Variants in CEP89 observed in about 807,000 individuals in gnomAD.
The protein encoded by CEP89 is centrosomal protein of 89 kDa.
Under a neutral mutation model 97.6 loss-of-function variants are expected in CEP89, and 95 were observed. The observed-to-expected ratio is 0.97, with a 90% CI of 0.82 to 1.15. CEP89 has a LOEUF of 1.15. Among genes scored for constraint, CEP89 ranks in the 50% most tolerant of loss-of-function variants. CEP89 has a pLI of 0.00. For synonymous variants in CEP89, 354 were observed against 349.1 expected, an observed-to-expected ratio of 1.01 and a Z score of -0.16; for missense variants, 869 against 947.7, an observed-to-expected ratio of 0.92 and a Z score of 1.09.
intron 18 of CEP89, among the ~76,000 whole-genome samples, chr19:32,880,390 C>T (rs1969256834): frequency 1.3e-5 from 2 of 152,162 alleles, no homozygotes; most frequent in Admixed American, 6.5e-5. Flanking sequence ...GCCCCTGATG[C>T]CCACTGTGTG....
At chr19:32,954,506 C>T (rs1290433537) in intron 3 of CEP89, among the ~76,000 whole-genome samples, 1 of 151,334 alleles carries the variant, frequency 6.6e-6, no homozygotes, top group Non-Finnish European at 1.5e-5. Context: ...CTGGGACTAA[C>T]CAAGCCCAGC....
intron 1 of CEP89, chr19:32,971,317 C>G (rs1971403217): frequency 2.4e-6 from 1 of 417,384 alleles, no homozygotes; most frequent in East Asian, 3.4e-5. Flanking sequence ...GAGTTAACTC[C>G]GGGCACGGGG....
intron 4 of CEP89, among the ~76,000 whole-genome samples, chr19:32,950,499 A>T (rs1970888344): frequency 6.6e-6 from 1 of 152,238 alleles, no homozygotes; most frequent in Non-Finnish European, 1.5e-5. Flanking sequence ...CGGAGGTTGC[A>T]GTGAGCAGAA....
At chr19:32,888,684 A>G (rs1162427937) in intron 16 of CEP89, among the ~76,000 whole-genome samples, 1 of 147,934 alleles carries the variant, frequency 6.8e-6, no homozygotes, top group East Asian at 1.9e-4. Context: ...TTCTGTCTCA[A>G]AAAAAAAAAA....
At chr19:32,934,592 A>T (rs555816316) in intron 7 of CEP89, among the ~76,000 whole-genome samples, 1 of 152,324 alleles carries the variant, frequency 6.6e-6, no homozygotes. Flanking sequence ...TGACACACAC[A>T]TATCCAATCC....
At chr19:32,914,892 C>T (rs1211331856) in intron 14 of CEP89, among the ~76,000 whole-genome samples, 1 of 151,672 alleles carries the variant, frequency 6.6e-6, no homozygotes, top group Non-Finnish European at 1.5e-5. Context: ...TGTGGTGAGC[C>T]GCCCCTGTAA....
intron 14 of CEP89, among the ~76,000 whole-genome samples, chr19:32,914,375 T>TC (rs2145905770): frequency 6.6e-6 from 1 of 152,164 alleles, no homozygotes; most frequent in East Asian, 1.9e-4. Flanking sequence ...CACTGCAGCC[T>TC]CGATCTCCCA....
intron 16 of CEP89, among the ~76,000 whole-genome samples, chr19:32,889,565 G>T (rs1286707337): frequency 6.6e-6 from 1 of 152,178 alleles, no homozygotes; most frequent in African/African-American, 2.4e-5. Context: ...GCCTCCATTT[G>T]TATTTCCATC....
intron 16 of CEP89, among the ~76,000 whole-genome samples, chr19:32,893,282 C>T (rs528265586): frequency 3.3e-5 from 5 of 151,948 alleles, no homozygotes; most frequent in South Asian, 2.1e-4. Context: ...TCAAAAACTG[C>T]GTAAAGAAGG....
At chr19:32,945,544 C>G (rs1970779851) in intron 5 of CEP89, among the ~76,000 whole-genome samples, 1 of 152,202 alleles carries the variant, frequency 6.6e-6, no homozygotes, top group South Asian at 2.1e-4. Context: ...CATTTCCACC[C>G]AGCCAGTTGG....
chr19:32,951,534 T>TATATATATATATATATACACACACACAC (rs1407110112), intron 4 of CEP89, among the ~76,000 whole-genome samples: 1 of 122,042 alleles, frequency 8.2e-6, no homozygotes, highest in African/African-American at 3.4e-5. Flanking sequence ...TATATATATA[T>TATATATATATATATATACACACACACAC]ACACACACAC....
At chr19:32,952,317 T>TAGA (rs1555794559) in intron 4 of CEP89, among the ~76,000 whole-genome samples, 1 of 95,094 alleles carries the variant, frequency 1.1e-5, no homozygotes, top group African/African-American at 3.7e-5. Context: ...CCTGGCCCTA[T>TAGA]AGAAAAAAAA....
intron 4 of CEP89, 59 bp from the exon 5 acceptor site, chr19:32,948,427 C>T (rs1970843880): frequency 3.0e-6 from 3 of 991,340 alleles, no homozygotes; most frequent in Non-Finnish European, 4.6e-6. Context: ...TTATATACAG[C>T]ATGTCCTCCT....
Position 32,895,066 on chromosome 19 carries a change from C to T in CEP89, c.1875+4791G>A, listed in dbSNP as rs189081956. On this transcript the variant is annotated intron_variant, in intron 16 of 18. Coordinates refer to ENST00000305768, the MANE Select transcript of CEP89 (RefSeq NM_032816.5). ...CAAACCTTACAAAGAAGAACTAATA[C>T]AAATTCTCCTCAAACTATTCCAAAA... 3.5e-3 allele frequency among the ~76,000 whole-genome samples: 527 copies of T among 152,202 alleles called. 1 individual carries two copies. Among genetic ancestry groups the T allele is most frequent in the African/African-American group, 0.012 (489 of 41,516 alleles).
intron 12 of CEP89, among the ~76,000 whole-genome samples, chr19:32,918,638 GA>G (rs1970180282): frequency 6.6e-6 from 1 of 152,118 alleles, no homozygotes; most frequent in Non-Finnish European, 1.5e-5. Context: ...TACCCAGCTT[GA>G]ACAGTCACTA....
At chr19:32,923,684 G>A (rs1214712154) in intron 11 of CEP89, 142 bp from the exon 12 acceptor site, 1 of 619,080 alleles carries the variant, frequency 1.6e-6, no homozygotes, top group Non-Finnish European at 2.9e-6. Context: ...TCAACTCTCG[G>A]TACCAGCACC....
chr19:32,903,434 G>A (rs895708149), intron 14 of CEP89, among the ~76,000 whole-genome samples: 3 of 152,156 alleles, frequency 2.0e-5, no homozygotes, highest in Admixed American at 2.0e-4. Flanking sequence ...AGAGATGATG[G>A]CGTTGGCAAA....
intron 17 of CEP89, 135 bp downstream of exon 17, chr19:32,887,617 T>A: frequency 1.6e-6 from 1 of 632,696 alleles, no homozygotes; most frequent in Admixed American, 2.9e-5. Context: ...CAGCAAAACC[T>A]TACAATACTT....
rs752795585 is a variant in CEP89 at position 32,959,886 on chromosome 19, G to A, written c.305+14C>T. 237 of 1,613,508 alleles carry A rather than the reference G, an allele frequency of 1.5e-4. 2 individuals carry two copies. In the Admixed American group the frequency reaches 3.8e-3, roughly 26 times the overall value. On this transcript the variant is annotated intron_variant, in intron 3 of 18. Transcript: ENST00000305768. ...CACTCTCAGAGGAAGCAGAGGCGGCGATCTGGTACCTACCGAGGCCTCAGC... is the reference window on the plus strand; with the variant it reads ...CACTCTCAGAGGAAGCAGAGGCGGCAATCTGGTACCTACCGAGGCCTCAGC...
Sources: allele counts gnomAD v4.1 joint callset (sites outside exome capture counted in the v4.1 genomes callset), GRCh38; gene constraint gnomAD v4.1.1; transcripts MANE v1.5; gene names NCBI Gene and HGNC (gene_info 2026-07-23, HGNC 2026-07-21).